HS6ST3: variants seen among roughly 807,000 people sequenced by gnomAD.
HS6ST3 encodes the protein heparan sulfate 6-O-sulfotransferase 3.
HS6ST3 carries 12 observed loss-of-function variants against 36.7 expected under a neutral mutation model. The ratio of observed to expected loss-of-function variants is 0.33; its 90% CI spans 0.21 to 0.53. HS6ST3 has a LOEUF of 0.53. HS6ST3 is among the 20% of genes least tolerant of loss of function. HS6ST3 has a pLI of 0.95. For synonymous variants in HS6ST3, 240 were observed against 257.5 expected (o/e 0.93, Z 0.65); for missense variants, 584 against 640.9 (o/e 0.91, Z 0.96).
At chr13:96,397,714 C>T (rs1189254382) in intron 1 of HS6ST3, among the ~76,000 whole-genome samples, 1 of 152,180 alleles carries the variant, frequency 6.6e-6, no homozygotes, top group African/African-American at 2.4e-5. Flanking sequence ...AGTTCACTGC[C>T]CTTCCTGTAC....
chr13:96,395,870 A>G (rs902177266), intron 1 of HS6ST3, among the ~76,000 whole-genome samples: 1 of 152,184 alleles, frequency 6.6e-6, no homozygotes, highest in Non-Finnish European at 1.5e-5. Flanking sequence ...AAAGGAAGGA[A>G]GAAGGCAGAA....
chr13:96,701,827 A>T (rs1467079253), intron 1 of HS6ST3, among the ~76,000 whole-genome samples: 1 of 152,032 alleles, frequency 6.6e-6, no homozygotes, highest in East Asian at 1.9e-4. Context: ...CCAGGCATGG[A>T]GGCGTGAATC....
At chr13:96,722,988 C>CGTGTGTGTGT (rs34651683) in intron 1 of HS6ST3, among the ~76,000 whole-genome samples, 1,495 of 143,660 alleles carry the variant, frequency 0.01, 14 homozygotes, top group East Asian at 0.03. Context: ...AAAAAATATA[C>CGTGTGTGTGT]GTGTGTGTGT....
chr13:96,518,073 T>C (rs559220640), intron 1 of HS6ST3, among the ~76,000 whole-genome samples: 6 of 152,248 alleles, frequency 3.9e-5, no homozygotes, highest in Non-Finnish European at 7.4e-5. Context: ...ATGATGGAGC[T>C]GGGGGCTATT....
intron 1 of HS6ST3, among the ~76,000 whole-genome samples, chr13:96,772,619 G>A (rs1410463231): frequency 6.6e-6 from 1 of 152,160 alleles, no homozygotes; most frequent in Non-Finnish European, 1.5e-5. Flanking sequence ...TGAGCAATGG[G>A]GCTAGAAGCA....
At chr13:96,439,090 A>G (rs1202097688) in intron 1 of HS6ST3, among the ~76,000 whole-genome samples, 1 of 152,102 alleles carries the variant, frequency 6.6e-6, no homozygotes, top group Non-Finnish European at 1.5e-5. Flanking sequence ...AAGAAAAAAA[A>G]AGATGGTTAT....
At chr13:96,289,014 A>T (rs2139397900) in intron 1 of HS6ST3, among the ~76,000 whole-genome samples, 1 of 152,138 alleles carries the variant, frequency 6.6e-6, no homozygotes, top group East Asian at 1.9e-4. Context: ...ATTAATAGTC[A>T]CTTAGAAATG....
intron 1 of HS6ST3, among the ~76,000 whole-genome samples, chr13:96,580,149 T>C (rs2056336404): frequency 6.7e-6 from 1 of 150,186 alleles, no homozygotes; most frequent in Non-Finnish European, 1.5e-5. Flanking sequence ...ATATTTTTTT[T>C]CTTATTCATT....
At chr13:96,668,466 C>T (rs2138429352) in intron 1 of HS6ST3, among the ~76,000 whole-genome samples, 1 of 152,162 alleles carries the variant, frequency 6.6e-6, no homozygotes, top group South Asian at 2.1e-4. Flanking sequence ...ATAATAAGAC[C>T]TGCTGGCTCA....
intron 1 of HS6ST3, among the ~76,000 whole-genome samples, chr13:96,799,998 G>GTATATA (rs374525350): frequency 8.0e-5 from 6 of 75,278 alleles, no homozygotes; most frequent in East Asian, 6.4e-4. Flanking sequence ...ATATATATAT[G>GTATATA]TATATATATA....
intron 1 of HS6ST3, among the ~76,000 whole-genome samples, chr13:96,537,934 G>C (rs1168846800): frequency 2.0e-5 from 3 of 152,158 alleles, no homozygotes; most frequent in African/African-American, 7.2e-5. Flanking sequence ...TGGTTTCAAA[G>C]GGGAAAAAGG....
At chr13:96,231,228 A>G (rs1193093538) in intron 1 of HS6ST3, among the ~76,000 whole-genome samples, 6 of 152,266 alleles carry the variant, frequency 3.9e-5, no homozygotes, top group African/African-American at 1.4e-4. Context: ...TCTTGCTAAC[A>G]TGCAGATTTT....
chr13:96,134,470 C>T (rs1355052947), intron 1 of HS6ST3, among the ~76,000 whole-genome samples: 1 of 150,626 alleles, frequency 6.6e-6, no homozygotes, highest in South Asian at 2.1e-4. Context: ...TATTTTTTAC[C>T]TATTTCCATT....
At chr13:96,157,342 A>G (rs932560957) in intron 1 of HS6ST3, among the ~76,000 whole-genome samples, 14 of 152,226 alleles carry the variant, frequency 9.2e-5, no homozygotes, top group Non-Finnish European at 1.9e-4. Flanking sequence ...AATGAGGAGA[A>G]GCTCATCTAA....
At chr13:96,330,913 C>G in intron 1 of HS6ST3, among the ~76,000 whole-genome samples, 1 of 151,192 alleles carries the variant, frequency 6.6e-6, no homozygotes, top group East Asian at 2.0e-4. Flanking sequence ...AACTTCCCTT[C>G]TCGCTTCATT....
intron 1 of HS6ST3, among the ~76,000 whole-genome samples, chr13:96,482,584 T>A (rs1332338756): frequency 1.3e-5 from 2 of 152,074 alleles, no homozygotes; most frequent in East Asian, 3.9e-4. Context: ...TTGATTAAGG[T>A]CATTTCCTGG....
At chr13:96,728,290 A>G (rs938054744) in intron 1 of HS6ST3, among the ~76,000 whole-genome samples, 12 of 152,210 alleles carry the variant, frequency 7.9e-5, no homozygotes, top group Non-Finnish European at 1.5e-4. Flanking sequence ...GAATAAATAA[A>G]GAAGCCCAAT....
chr13:96,438,948 T>C (rs1163340655), intron 1 of HS6ST3, among the ~76,000 whole-genome samples: 1 of 152,044 alleles, frequency 6.6e-6, no homozygotes, highest in African/African-American at 2.4e-5. Flanking sequence ...GGTACCTGTA[T>C]TCCAACTACT....
intron 1 of HS6ST3, among the ~76,000 whole-genome samples, chr13:96,811,204 A>C (rs1162849185): frequency 6.6e-6 from 1 of 152,220 alleles, no homozygotes; most frequent in East Asian, 1.9e-4. Context: ...CAAAGGAAAT[A>C]TCCACTTCGC....
Sources: allele counts gnomAD v4.1 joint callset (sites outside exome capture counted in the v4.1 genomes callset), GRCh38; gene constraint gnomAD v4.1.1; transcripts MANE v1.5; gene names NCBI Gene and HGNC (gene_info 2026-07-23, HGNC 2026-07-21).